The following TIAM1 variants were observed in gnomAD, a reference collection of about 807,000 sequenced individuals.
The protein encoded by TIAM1 is TIAM Rac1 associated GEF 1, also known as rho guanine nucleotide exchange factor TIAM1.
In TIAM1, 65 loss-of-function variants were observed where a neutral mutation model predicts 163.5. The ratio of observed to expected loss-of-function variants is 0.40; its 90% confidence interval spans 0.33 to 0.49. The LOEUF is 0.49. Among genes scored for constraint, TIAM1 ranks in the 20% least tolerant of loss-of-function variants. The probability of loss-of-function intolerance (pLI) is 0.77; values close to 1 mark genes in which losing one functional copy is unlikely to be tolerated. For synonymous variants in TIAM1, 833 were observed against 810.1 expected, an observed-to-expected ratio of 1.03 and a Z score of -0.48; for missense variants, 1,789 against 2,044.7, an observed-to-expected ratio of 0.87 and a Z score of 2.41.
chr21:31,361,804 G>A (rs1453374017), intron 2 of TIAM1, among the ~76,000 whole-genome samples: 1 of 151,832 alleles, frequency 6.6e-6, no homozygotes, highest in African/African-American at 2.4e-5. Context: ...AATAGCAGAT[G>A]ATATTATCAT....
intron 25 of TIAM1, 27 bp from the exon 26 acceptor site, chr21:31,127,179 CAG>C (rs2082231872): frequency 1.9e-6 from 3 of 1,604,530 alleles, no homozygotes; most frequent in African/African-American, 1.3e-5. Context: ...AACAATGAAT[CAG>C]GGTATGTTTC....
chr21:31,497,872 A>G (rs1361068407), intron 1 of TIAM1, among the ~76,000 whole-genome samples: 1 of 152,176 alleles, frequency 6.6e-6, no homozygotes, highest in African/African-American at 2.4e-5. Flanking sequence ...GGGGGCTTGG[A>G]AAAACATGTT....
At chr21:31,553,836 T>C (rs2048777678) in intron 1 of TIAM1, among the ~76,000 whole-genome samples, 1 of 151,964 alleles carries the variant, frequency 6.6e-6, no homozygotes, top group African/African-American at 2.4e-5. Flanking sequence ...GGGTAGCAAA[T>C]CCTGTTCACC....
intron 1 of TIAM1, among the ~76,000 whole-genome samples, chr21:31,467,772 G>A (rs1049173015): frequency 2.6e-5 from 4 of 151,976 alleles, no homozygotes; most frequent in African/African-American, 4.8e-5. Flanking sequence ...CAGAATATCC[G>A]TTTCTAAAAT....
intron 4 of TIAM1, among the ~76,000 whole-genome samples, chr21:31,258,183 C>T (rs1284493732): frequency 1.3e-5 from 2 of 152,128 alleles, no homozygotes; most frequent in Non-Finnish European, 2.9e-5. Context: ...ACGAGCTCCA[C>T]GAGCTTGTGG....
chr21:31,288,527 A>T (rs2300348), intron 2 of TIAM1, among the ~76,000 whole-genome samples: 32,946 of 152,032 alleles, frequency 0.22, 4,412 homozygotes, highest in East Asian at 0.41. Flanking sequence ...AGGGCAGAGC[A>T]CTCATGACCT....
At chr21:31,308,242 T>C (rs2074792152) in intron 2 of TIAM1, among the ~76,000 whole-genome samples, 1 of 151,904 alleles carries the variant, frequency 6.6e-6, no homozygotes, top group African/African-American at 2.4e-5. Context: ...TGGAGTGAAA[T>C]GTCATCTCAA....
At chr21:31,192,031 A>G (rs2085586646) in intron 13 of TIAM1, among the ~76,000 whole-genome samples, 1 of 152,214 alleles carries the variant, frequency 6.6e-6, no homozygotes, top group Admixed American at 6.5e-5. Context: ...TTACAGCTCT[A>G]ATTACTGAGG....
intron 22 of TIAM1, among the ~76,000 whole-genome samples, chr21:31,139,961 T>C (rs2082771499): frequency 6.6e-6 from 1 of 152,258 alleles, no homozygotes; most frequent in African/African-American, 2.4e-5. Flanking sequence ...TTGTCTCATT[T>C]ACAATTCACC....
rs546601246 is a variant in TIAM1, at chr21:31,279,144, C to CA, written c.-188-2237dup. On this transcript the variant is annotated intron_variant, in intron 2 of 27. Transcript: ENST00000541036. ...AAAAATATATAAATAAATAAATAAACAAAAAAAAACTATACAGAGAGAAAG... is the reference window on the plus strand; with the variant it reads ...AAAAATATATAAATAAATAAATAAACAAAAAAAAAACTATACAGAGAGAAAG... Among the ~76,000 whole-genome samples, 100 of 150,570 alleles carry CA rather than the reference C, an allele frequency of 6.6e-4. 1 individual carries two copies. Among genetic ancestry groups the CA allele is most frequent in the East Asian group, 5.0e-3 (26 of 5,170 alleles).
chr21:31,540,354 C>T (rs1345576621), intron 1 of TIAM1, among the ~76,000 whole-genome samples: 3 of 147,652 alleles, frequency 2.0e-5, no homozygotes, highest in Non-Finnish European at 4.4e-5. Flanking sequence ...CATTGCACTC[C>T]AGCCTAGGCA....
At position 31,152,834 on chromosome 21, in the gene TIAM1, A is replaced by G. The variant is rs189339318; in HGVS notation, c.3241-73T>C. ...CTAAACGTTATTTATATCTGATTAC[A>G]AGGTTTTTCTATCAATTCTTATCAA... is the stretch of plus-strand genomic sequence containing the variant. On this transcript the variant is annotated intron_variant, in intron 18 of 27. Coordinates refer to ENST00000541036, the MANE Select transcript of TIAM1 (RefSeq NM_001353694.2). 4 of 1,548,074 alleles carry G rather than the reference A, an allele frequency of 2.6e-6. No homozygotes were observed. The Admixed American group carries it at 8.1e-5, about 31-fold the overall frequency.
At chr21:31,504,128 C>T (rs967044088) in intron 1 of TIAM1, among the ~76,000 whole-genome samples, 5 of 152,180 alleles carry the variant, frequency 3.3e-5, no homozygotes, top group East Asian at 1.9e-4. Flanking sequence ...TAAGCATGGG[C>T]GTGCAAAGGG....
intron 3 of TIAM1, among the ~76,000 whole-genome samples, chr21:31,268,723 A>G (rs1023492264): frequency 1.3e-5 from 2 of 152,202 alleles, no homozygotes; most frequent in African/African-American, 4.8e-5. Flanking sequence ...AAAGATAAAA[A>G]CGAAAAGATC....
At position 31,395,204 on chromosome 21, in the gene TIAM1, C is replaced by T. The variant is rs1324716100; in HGVS notation, c.-368-55782G>A. 1.3e-5 allele frequency among the ~76,000 whole-genome samples: 2 copies of T among 151,470 alleles called. No individual in the cohort carries two copies. The highest frequency in any genetic ancestry group is 2.9e-5 in the Non-Finnish European group (2 of 67,938). ...AGTAAGCTGAGATCGCGCCACCACA[C>T]TCCAGCCTGGGCAACAGAGTGAGAC... On this transcript the variant is annotated intron_variant, in intron 2 of 28. Coordinates refer to the TIAM1 transcript ENST00000286827. This position sits in a 1 kb window ranked among gnomAD's most constrained non-coding sequence, Gnocchi z 7.5.
intron 13 of TIAM1, 115 bp downstream of exon 13, chr21:31,195,109 G>T: frequency 2.7e-6 from 2 of 740,394 alleles, no homozygotes; most frequent in Admixed American, 2.5e-5. Context: ...GCAGGAGCCA[G>T]ATATACTATC....
intron 1 of TIAM1, among the ~76,000 whole-genome samples, chr21:31,465,054 C>T (rs551537596): frequency 4.0e-5 from 6 of 151,556 alleles, no homozygotes; most frequent in African/African-American, 1.4e-4. Flanking sequence ...AAATATCAGC[C>T]TGGTGCAGTG....
At chr21:31,310,091 A>G (rs796718500) in intron 2 of TIAM1, among the ~76,000 whole-genome samples, 4 of 152,280 alleles carry the variant, frequency 2.6e-5, no homozygotes, top group African/African-American at 9.6e-5. Context: ...TTCCTTTTTC[A>G]CCTGGGAAGT....
rs141168271 is a variant in TIAM1, at chr21:31,500,783, G to A, written c.-421-36748C>T. 5.8e-3 allele frequency among the ~76,000 whole-genome samples: 886 copies of A among 152,254 alleles called. 11 individuals are homozygous for A. Among genetic ancestry groups the A allele is most frequent in the African/African-American group, 0.02 (825 of 41,564 alleles). On this transcript the variant is annotated intron_variant, in intron 1 of 28. Coordinates refer to the TIAM1 transcript ENST00000286827. Reference sequence around the variant, plus strand: ...AGAGGCATGGAACTGACGGTCCCACGGAGCCGTCAGAATGAACCTACCTGG... The same window carrying A: ...AGAGGCATGGAACTGACGGTCCCACAGAGCCGTCAGAATGAACCTACCTGG...
Sources: gnomAD v4.1 joint callset for allele counts (sites outside exome capture counted in the v4.1 genomes callset) on GRCh38, gnomAD v4.1.1 for gene constraint, Gnocchi (gnomAD v3.1) non-coding constraint, MANE v1.5 for transcripts, NCBI Gene and HGNC (gene_info 2026-07-23, HGNC 2026-07-21) for gene names.